The following PLXNA2 variants were observed in gnomAD, a reference collection of about 807,000 sequenced individuals.
PLXNA2 encodes plexin A2.
A neutral mutation model predicts 193.5 loss-of-function variants in PLXNA2; 91 were observed. The observed-to-expected ratio is 0.47, with a 90% CI of 0.40 to 0.56. The LOEUF (loss-of-function observed/expected upper bound fraction) is 0.56. Among genes scored for constraint, PLXNA2 ranks in the 20% least tolerant of loss-of-function variants. PLXNA2 has a pLI of 0.00. For synonymous variants in PLXNA2, 997 were observed against 1,027.3 expected (o/e 0.97, Z 0.56); for missense variants, 1,995 against 2,503.2 (o/e 0.80, Z 4.33).
intron 2 of PLXNA2, among the ~76,000 whole-genome samples, chr1:208,215,550 GGGATGGAGGA>G (rs1671097214): frequency 6.8e-6 from 1 of 147,244 alleles, no homozygotes; most frequent in South Asian, 2.3e-4. Context: ...GATGGAGGAA[GGGATGGAGGA>G]AAGAATGAAG....
At chr1:208,055,051 A>C (rs1354809070) in intron 13 of PLXNA2, among the ~76,000 whole-genome samples, 1 of 152,092 alleles carries the variant, frequency 6.6e-6, no homozygotes, top group African/African-American at 2.4e-5. Context: ...TAATCTGGTG[A>C]GATAGTGAGA....
intron 3 of PLXNA2, among the ~76,000 whole-genome samples, chr1:208,174,250 A>C (rs1288119956): frequency 6.6e-6 from 1 of 152,028 alleles, no homozygotes; most frequent in Non-Finnish European, 1.5e-5. Context: ...AGGAGTGGGG[A>C]CTTGCTATGG....
chr1:208,118,557 G>A (rs535885517), intron 4 of PLXNA2, among the ~76,000 whole-genome samples: 89 of 152,254 alleles, frequency 5.8e-4, no homozygotes, highest in Non-Finnish European at 1.0e-3. Context: ...GGCAATCAAC[G>A]GGGATTAGCA....
At chr1:208,239,543 A>G (rs1024473274) in intron 1 of PLXNA2, among the ~76,000 whole-genome samples, 1 of 152,120 alleles carries the variant, frequency 6.6e-6, no homozygotes, top group Admixed American at 6.5e-5. Flanking sequence ...TCCAGGTCTG[A>G]CTTGTTAGGA....
intron 4 of PLXNA2, among the ~76,000 whole-genome samples, chr1:208,129,559 T>C (rs1039704702): frequency 5.3e-5 from 8 of 152,244 alleles, no homozygotes; most frequent in African/African-American, 1.9e-4. Context: ...AGTCCTTGAA[T>C]ATACCAAACT....
At chr1:208,040,960 G>A (rs796108621) in intron 22 of PLXNA2, among the ~76,000 whole-genome samples, 6 of 152,182 alleles carry the variant, frequency 3.9e-5, no homozygotes, top group Non-Finnish European at 7.4e-5. Flanking sequence ...CTCCCTGCAC[G>A]TGGTGCAAAT....
At chr1:208,177,124 T>C (rs537820951) in intron 3 of PLXNA2, among the ~76,000 whole-genome samples, 1 of 152,324 alleles carries the variant, frequency 6.6e-6, no homozygotes, top group South Asian at 2.1e-4. Flanking sequence ...GGATACATAT[T>C]TCTGTCTTGG....
intron 4 of PLXNA2, among the ~76,000 whole-genome samples, chr1:208,117,890 G>C (rs1413163655): frequency 6.6e-6 from 1 of 152,160 alleles, no homozygotes; most frequent in Non-Finnish European, 1.5e-5. Context: ...GTCTGGTCTG[G>C]AACTGGACAT....
At chr1:208,130,103 TG>T (rs1668102597) in intron 4 of PLXNA2, among the ~76,000 whole-genome samples, 2 of 152,112 alleles carry the variant, frequency 1.3e-5, no homozygotes, top group Admixed American at 1.3e-4. Flanking sequence ...CAGTCATAAC[TG>T]GGGGGAACAA....
intron 5 of PLXNA2, among the ~76,000 whole-genome samples, chr1:208,102,725 C>T (rs1355224243): frequency 6.6e-6 from 1 of 152,240 alleles, no homozygotes; most frequent in Non-Finnish European, 1.5e-5. Flanking sequence ...CATCCAGGGT[C>T]ACACAGCAGC....
At chr1:208,164,141 C>T (rs556511292) in intron 3 of PLXNA2, among the ~76,000 whole-genome samples, 1 of 152,320 alleles carries the variant, frequency 6.6e-6, no homozygotes, top group East Asian at 1.9e-4. Flanking sequence ...ATGTGTGTGC[C>T]CCATTAGAGA....
At chr1:208,183,482 A>G (rs1454747569) in intron 3 of PLXNA2, among the ~76,000 whole-genome samples, 2 of 152,158 alleles carry the variant, frequency 1.3e-5, no homozygotes, top group Non-Finnish European at 2.9e-5. Context: ...GCTGACAGAA[A>G]AGAAATGAAG....
intron 9 of PLXNA2, among the ~76,000 whole-genome samples, chr1:208,090,554 C>T (rs888337078): frequency 6.6e-6 from 1 of 152,188 alleles, no homozygotes; most frequent in Admixed American, 6.5e-5. Context: ...GCTCAGCTCT[C>T]TGGCCTCCAC....
chr1:208,154,032 G>C (rs779105481), intron 3 of PLXNA2, among the ~76,000 whole-genome samples: 4 of 151,448 alleles, frequency 2.6e-5, no homozygotes, highest in Non-Finnish European at 5.9e-5. Flanking sequence ...GTGGGGTGGG[G>C]GTGGGGTGGT....
chr1:208,109,003 T>A (rs1667372232), intron 4 of PLXNA2, among the ~76,000 whole-genome samples: 2 of 152,190 alleles, frequency 1.3e-5, no homozygotes, highest in Admixed American at 1.3e-4. Flanking sequence ...GAATTTAATC[T>A]CTTTCTTCCC....
At position 208,032,196 on chromosome 1, in the gene PLXNA2, G is replaced by A. The variant is rs149431721; in HGVS notation, c.5056-437C>T. ...GAGTCTGTTAGGAAGGTATGAAGAG[G>A]CTTAGGATGTTAGTGACCTGAGACA... On this transcript the variant is annotated intron_variant, in intron 28 of 31. Transcript: ENST00000367033. 4.2e-6 allele frequency: 4 copies of A among 960,070 alleles called. No individual in the cohort carries two copies. The East Asian group carries it at 3.5e-4, about 83-fold the overall frequency. The allele number at this position is 960,070 out of a possible 1,614,324, so 59.5% of individuals were successfully genotyped here.
chr1:208,201,218 G>A (rs895576242), intron 3 of PLXNA2, among the ~76,000 whole-genome samples: 3 of 152,220 alleles, frequency 2.0e-5, no homozygotes, highest in Admixed American at 2.0e-4. Flanking sequence ...ATAATTCATC[G>A]AAGGCAGAGT....
At position 208,027,289 on chromosome 1, in the gene PLXNA2, G is replaced by A; in HGVS notation, c.5639C>T (p.Ala1880Val). 1.2e-6 allele frequency: 2 copies of A among 1,613,586 alleles called. No homozygotes were observed. Among genetic ancestry groups the A allele is most frequent in the Non-Finnish European group, 1.7e-6 (2 of 1,179,988 alleles). ...ATTAATGAGCTGCTCCACCTTATAA[G>A]CCAGCCGCTGCCGCCGTGCCTGCTC... ...QDEQARRQRLAYKVEQLINAM... is the reference protein window; with the variant it reads ...QDEQARRQRLVYKVEQLINAM... Residue 1880 changes from alanine to valine, a missense_variant, in exon 32 of 32, where the codon GCT becomes GTT. Ala to Val is a moderately conservative substitution (Grantham distance 64, BLOSUM62 0). Transcript: ENST00000367033.
chr1:208,043,633 T>C (rs1664954544), intron 20 of PLXNA2, among the ~76,000 whole-genome samples: 1 of 152,134 alleles, frequency 6.6e-6, no homozygotes, highest in Non-Finnish European at 1.5e-5. Context: ...GGAGGTCTGG[T>C]CATGAGACGC....
Sources: allele counts gnomAD v4.1 joint callset (sites outside exome capture counted in the v4.1 genomes callset), GRCh38; gene constraint gnomAD v4.1.1; transcripts MANE v1.5; gene names NCBI Gene and HGNC (gene_info 2026-07-23, HGNC 2026-07-21).